Variants in JAKMIP3 observed in about 807,000 individuals in gnomAD.
JAKMIP3 encodes janus kinase and microtubule-interacting protein 3.
JAKMIP3 carries 58 observed loss-of-function variants against 118.5 expected under a neutral mutation model. That is an observed-to-expected ratio of 0.49 (90% CI 0.40 to 0.61). The LOEUF is 0.61. Among genes scored for constraint, JAKMIP3 ranks in the 20% least tolerant of loss-of-function variants. The pLI, the probability that JAKMIP3 is intolerant of heterozygous loss-of-function variation, is 0.00. For synonymous variants in JAKMIP3, 486 were observed against 451.2 expected (o/e 1.08, Z -0.98); for missense variants, 950 against 1,109.0 (o/e 0.86, Z 2.04).
In JAKMIP3 at chr10:132,183,419, G is replaced by A. The variant is rs2061632380; in HGVS notation, c.*2166G>A. On this transcript the variant is annotated 3_prime_UTR_variant, in exon 24 of 24. Coordinates refer to ENST00000684848, the MANE Select transcript of JAKMIP3 (RefSeq NM_001323087.2). ...ATTCACATCCCTCATGTTTATTTGGGTCATCATGGTTTAGCATGTTGTATA... is the reference window on the plus strand; with the variant it reads ...ATTCACATCCCTCATGTTTATTTGGATCATCATGGTTTAGCATGTTGTATA... 6.6e-6 allele frequency: 1 copy of A among 152,186 alleles called. No individual in the cohort carries two copies. The highest frequency in any genetic ancestry group is 2.4e-5 in the African/African-American group (1 of 41,434). 9.4% of individuals were successfully genotyped at this position (152,186 alleles called of 1,614,324 possible). A position where few individuals can be genotyped will look rare whatever the true frequency, so the allele number is the denominator to read the frequency against.
chr10:132,055,222 A>G (rs983882486), intron 1 of JAKMIP3, among the ~76,000 whole-genome samples: 4 of 152,176 alleles, frequency 2.6e-5, no homozygotes, highest in African/African-American at 9.7e-5. Context: ...AGGCATAGAA[A>G]ACAAATTGCT....
chr10:132,085,993 G>A (rs2042350757), intron 1 of JAKMIP3, among the ~76,000 whole-genome samples: 1 of 152,114 alleles, frequency 6.6e-6, no homozygotes, highest in Non-Finnish European at 1.5e-5. Context: ...ATTTTTTGAT[G>A]TAGGTGTTTA....
chr10:132,117,166 C>G lies in JAKMIP3; in HGVS notation c.225C>G (p.Leu75=), dbSNP rs1190111529. Residue 75 remains leucine (L), a synonymous_variant, in exon 3 of 24, where the codon CTC becomes CTG. Transcript: ENST00000684848. This position sits in a 1 kb window ranked among gnomAD's most constrained non-coding sequence, Gnocchi z 8.6. ...AGACCGCGGTCTTGCTCACGGAGCT[C>G]AAGACAAAGCTGCACGAGGAGAAGA... is the stretch of plus-strand genomic sequence containing the variant. ...QHKTAVLLTE[L]KTKLHEEKMK... 1.2e-6 allele frequency: 2 copies of G among 1,613,844 alleles called. No homozygotes were observed. Among genetic ancestry groups the G allele is most frequent in the South Asian group, 2.2e-5 (2 of 91,086 alleles).
chr10:132,087,278 C>T (rs2042519003), intron 1 of JAKMIP3, among the ~76,000 whole-genome samples: 1 of 152,160 alleles, frequency 6.6e-6, no homozygotes, highest in South Asian at 2.1e-4. Flanking sequence ...GCTTTTGCCT[C>T]ATAGCTCTTA....
chr10:132,093,093 G>A (rs2043306316), intron 1 of JAKMIP3, among the ~76,000 whole-genome samples: 1 of 152,202 alleles, frequency 6.6e-6, no homozygotes, highest in African/African-American at 2.4e-5. Flanking sequence ...TAATATTGCT[G>A]AACAGCAAAT....
At chr10:132,043,298 A>G (rs1261575350) in intron 1 of JAKMIP3, among the ~76,000 whole-genome samples, 1 of 151,944 alleles carries the variant, frequency 6.6e-6, no homozygotes, top group Non-Finnish European at 1.5e-5. Context: ...TTGACCTCCC[A>G]GGCTCAAGTG....
intron 15 of JAKMIP3, 23 bp from the exon 16 acceptor site, chr10:132,149,959 C>T: frequency 1.3e-6 from 2 of 1,482,008 alleles, no homozygotes; most frequent in Non-Finnish European, 8.9e-7. Flanking sequence ...GCCACTCACC[C>T]CTACCTGTCC....
chr10:132,064,867 G>C (rs766336682), upstream of JAKMIP3, among the ~76,000 whole-genome samples: 3 of 152,180 alleles, frequency 2.0e-5, no homozygotes, highest in Admixed American at 6.5e-5. The surrounding 1 kb of genome is among the most constrained non-coding windows in gnomAD (Gnocchi z 4.4). Context: ...GGCTCCTCTC[G>C]GGGTGATGCC....
chr10:132,152,754 G>A (rs766454935), intron 16 of JAKMIP3, among the ~76,000 whole-genome samples: 20 of 152,138 alleles, frequency 1.3e-4, no homozygotes, highest in Non-Finnish European at 2.6e-4. Context: ...AAACAAAATC[G>A]GCAGCACCCG....
intron 9 of JAKMIP3, among the ~76,000 whole-genome samples, chr10:132,138,727 G>A (rs2052451046): frequency 6.6e-6 from 1 of 152,190 alleles, no homozygotes; most frequent in Non-Finnish European, 1.5e-5. Context: ...TGTCCTCACT[G>A]CCTGTGTAGG....
chr10:132,158,080 C>A (rs866073185), intron 19 of JAKMIP3, among the ~76,000 whole-genome samples: 1 of 105,504 alleles, frequency 9.5e-6, no homozygotes, highest in Non-Finnish European at 1.9e-5. Context: ...ACCGCCCCCC[C>A]GCCCCGCCCC....
chr10:132,178,117 T>A (rs1043314401), intron 23 of JAKMIP3, among the ~76,000 whole-genome samples: 2 of 152,250 alleles, frequency 1.3e-5, no homozygotes, highest in African/African-American at 4.8e-5. Context: ...CTGCCTTTAT[T>A]ATTTATTAGG....
intron 2 of JAKMIP3, among the ~76,000 whole-genome samples, chr10:132,107,373 G>A (rs559618844): frequency 1.5e-4 from 23 of 152,314 alleles, no homozygotes; most frequent in Non-Finnish European, 2.8e-4. Flanking sequence ...CCAGGCTTGC[G>A]GGCTCCCCAG....
chr10:132,171,377 G>A (rs574127643), intron 23 of JAKMIP3, among the ~76,000 whole-genome samples: 1 of 152,182 alleles, frequency 6.6e-6, no homozygotes, highest in African/African-American at 2.4e-5. Context: ...GGAAGCAGAG[G>A]GCCCCTCACC....
At chr10:132,061,472 C>T (rs577226372), upstream of JAKMIP3, among the ~76,000 whole-genome samples, 2 of 152,370 alleles carry the variant, frequency 1.3e-5, no homozygotes, top group African/African-American at 4.8e-5. Context: ...CCCGGTTAAT[C>T]TATAAACTCA....
chr10:132,091,600 CT>C (rs1237163126), intron 1 of JAKMIP3, among the ~76,000 whole-genome samples: 2 of 152,022 alleles, frequency 1.3e-5, no homozygotes, highest in East Asian at 1.9e-4. Context: ...GCAACCCCTG[CT>C]TTTTTTGTTT....
At chr10:132,125,672 A>T (rs192324271) in intron 3 of JAKMIP3, among the ~76,000 whole-genome samples, 2 of 152,346 alleles carry the variant, frequency 1.3e-5, no homozygotes, top group Admixed American at 1.3e-4. Context: ...TGTAAATTTC[A>T]GTGTAGAGGT....
intron 1 of JAKMIP3, among the ~76,000 whole-genome samples, chr10:132,055,826 G>T (rs909647146): frequency 6.6e-6 from 1 of 152,190 alleles, no homozygotes; most frequent in Non-Finnish European, 1.5e-5. Context: ...GAGGTGCAGA[G>T]AGCCCAGTAA....
chr10:132,082,262 C>T (rs2041874083), intron 1 of JAKMIP3, among the ~76,000 whole-genome samples: 1 of 151,540 alleles, frequency 6.6e-6, no homozygotes, highest in South Asian at 2.1e-4. Context: ...TATTGGGGAA[C>T]AGGTGGTGTT....
Sources: allele counts gnomAD v4.1 joint callset (sites outside exome capture counted in the v4.1 genomes callset), GRCh38; gene constraint gnomAD v4.1.1; non-coding constraint Gnocchi (gnomAD v3.1); transcripts MANE v1.5; gene names NCBI Gene and HGNC (gene_info 2026-07-23, HGNC 2026-07-21).